Variants in ETNK1 observed in about 807,000 individuals in gnomAD.
The protein encoded by ETNK1 is ethanolamine kinase 1.
ETNK1 carries 8 observed loss-of-function variants against 45.1 expected under a neutral mutation model. That is an observed-to-expected ratio of 0.18 (90% confidence interval 0.10 to 0.32). ETNK1 has a LOEUF of 0.32. ETNK1 is among the 10% of genes least tolerant of loss of function. The probability of loss-of-function intolerance (pLI) is 1.00; values close to 1 mark genes in which losing one functional copy is unlikely to be tolerated. For missense variants in ETNK1, 302 were observed against 430.6 expected (o/e 0.70, Z 2.64); for synonymous variants, 152 against 151.9 (o/e 1.00, Z -0.01).
At chr12:22,627,360 C>T (rs368700234) in intron 1 of ETNK1, among the ~76,000 whole-genome samples, 7 of 151,992 alleles carry the variant, frequency 4.6e-5, no homozygotes, top group Non-Finnish European at 7.4e-5. Context: ...GTTTATAATC[C>T]GAATTTTTAA....
At chr12:22,667,510 C>G (rs943351512) in intron 4 of ETNK1, among the ~76,000 whole-genome samples, 1 of 152,094 alleles carries the variant, frequency 6.6e-6, no homozygotes, top group Non-Finnish European at 1.5e-5. Context: ...GATGAGTGCT[C>G]TGGTGAAGGG....
At chr12:22,667,464 G>A (rs138452509) in intron 4 of ETNK1, among the ~76,000 whole-genome samples, 6 of 152,268 alleles carry the variant, frequency 3.9e-5, no homozygotes, top group Non-Finnish European at 8.8e-5. Context: ...TGTAGTGGAG[G>A]AGTCCAATCA....
chr12:22,644,083 A>C, intron 2 of ETNK1, 61 bp downstream of exon 2: 1 of 1,507,136 alleles, frequency 6.6e-7, no homozygotes, highest in Non-Finnish European at 8.9e-7. Context: ...GCATTAAGGA[A>C]ATATTTTTTA....
intron 4 of ETNK1, among the ~76,000 whole-genome samples, chr12:22,668,074 G>A (rs1954071783): frequency 6.6e-6 from 1 of 152,144 alleles, no homozygotes; most frequent in African/African-American, 2.4e-5. Context: ...AACACACCTA[G>A]CCCTTAAAGT....
chr12:22,654,144 A>T (rs1324227590), intron 2 of ETNK1, among the ~76,000 whole-genome samples: 1 of 152,244 alleles, frequency 6.6e-6, no homozygotes, highest in Non-Finnish European at 1.5e-5. Flanking sequence ...TACCATGTGA[A>T]AATGCAGCAA....
intron 1 of ETNK1, chr12:22,626,283 C>G (rs1953495437): frequency 6.5e-6 from 1 of 154,290 alleles, no homozygotes; most frequent in African/African-American, 2.4e-5. Context: ...GGAAAAAAAT[C>G]CCTGAGACTC....
chr12:22,675,308 C>T (rs1354017960), intron 6 of ETNK1, among the ~76,000 whole-genome samples: 1 of 151,716 alleles, frequency 6.6e-6, no homozygotes, highest in Non-Finnish European at 1.5e-5. Flanking sequence ...TTCTTCCCGG[C>T]TCAGCCTCCC....
chr12:22,644,271 C>T (rs779613944), intron 2 of ETNK1: 2 of 1,608,480 alleles, frequency 1.2e-6, no homozygotes, highest in South Asian at 2.2e-5. Flanking sequence ...TAACCGGCTG[C>T]AGAGGGTCAA....
At chr12:22,672,182 C>G (rs985548919) in intron 5 of ETNK1, among the ~76,000 whole-genome samples, 6 of 151,728 alleles carry the variant, frequency 4.0e-5, no homozygotes, top group Non-Finnish European at 7.4e-5. Context: ...CATTTTTACC[C>G]CTATTAATTT....
In ETNK1 at chr12:22,682,377, A is replaced by C. The variant is rs558842319; in HGVS notation, c.946-2106A>C. ...TTTTATAGTTGAGAAAATGTCTGCCAAATACTCAAGTCTGATAACTCTAGT... is the reference window on the plus strand; with the variant it reads ...TTTTATAGTTGAGAAAATGTCTGCCCAATACTCAAGTCTGATAACTCTAGT... On this transcript the variant is annotated intron_variant, in intron 6 of 7. Transcript: ENST00000266517. 1.5e-4 allele frequency: 56 copies of C among 381,730 alleles called. 1 individual carries two copies. Among genetic ancestry groups the C allele is most frequent in the South Asian group, 1.0e-3 (53 of 51,180 alleles). The allele number at this position is 381,730 out of a possible 1,614,324, so 23.6% of individuals were successfully genotyped here.
chr12:22,671,971 G>A (rs1298260960), intron 5 of ETNK1, among the ~76,000 whole-genome samples: 1 of 151,568 alleles, frequency 6.6e-6, no homozygotes, highest in Non-Finnish European at 1.5e-5. Flanking sequence ...AGCCCTACAA[G>A]GTAATACTCG....
rs990841940 is a variant in ETNK1 at position 22,689,670 on chromosome 12, T to C, written c.*4716T>C. 6.6e-6 allele frequency: 1 copy of C among 152,064 alleles called. No homozygotes were observed. Among genetic ancestry groups the C allele is most frequent in the African/African-American group, 2.4e-5 (1 of 41,458 alleles). The allele number at this position is 152,064 out of a possible 1,614,324, so 9.4% of individuals were successfully genotyped here. A position where few individuals can be genotyped will look rare whatever the true frequency, so the allele number is the denominator to read the frequency against. On this transcript the variant is annotated 3_prime_UTR_variant, in exon 8 of 8. Transcript: ENST00000266517. Reference sequence around the variant, plus strand: ...CTCATAATAAAGGAACTTTCAGAGATTGGTTGAAACCCAGTGGTATCCCTG... The same window carrying C: ...CTCATAATAAAGGAACTTTCAGAGACTGGTTGAAACCCAGTGGTATCCCTG...
chr12:22,642,418 TGGAAG>T (rs1194350460), intron 1 of ETNK1, among the ~76,000 whole-genome samples: 1 of 151,992 alleles, frequency 6.6e-6, no homozygotes, highest in South Asian at 2.1e-4. Flanking sequence ...GAAATCTAGG[TGGAAG>T]GCAACACTAG....
chr12:22,632,920 TGTA>T (rs1233833153), intron 1 of ETNK1, among the ~76,000 whole-genome samples: 1 of 152,244 alleles, frequency 6.6e-6, no homozygotes, highest in African/African-American at 2.4e-5. Flanking sequence ...TGTATATAGT[TGTA>T]GTTCTTTTCC....
chr12:22,655,842 A>C lies in ETNK1; in HGVS notation c.417-3172A>C, dbSNP rs560741361. On this transcript the variant is annotated intron_variant, in intron 2 of 7. Coordinates refer to ENST00000266517, the MANE Select transcript of ETNK1 (RefSeq NM_018638.5). ...TTGTAAGGAACCCAAAAACCAGATG[A>C]ATTATTTGTTTAAGTTCATAATGCA... Among the ~76,000 whole-genome samples the C allele has an allele frequency of 7.8e-4, 119 of 152,342 alleles. No homozygotes were observed. The South Asian group carries it at 9.7e-3, about 12-fold the overall frequency.
Position 22,661,450 on chromosome 12 carries a change from T to G in ETNK1, c.700+245T>G, listed in dbSNP as rs559528638. Among the ~76,000 whole-genome samples, 118 of 152,324 alleles carry G rather than the reference T, an allele frequency of 7.7e-4. 1 individual carries two copies. Among genetic ancestry groups the G allele is most frequent in the African/African-American group, 2.7e-3 (114 of 41,576 alleles). On this transcript the variant is annotated intron_variant, in intron 4 of 7. Transcript: ENST00000266517. The stretch of plus-strand genomic sequence containing the variant: ...GAAACAGTTTGTGATTTCCATGGGA[T>G]TTTTAGGTATAAAATGATGAAATGA...
intron 1 of ETNK1, among the ~76,000 whole-genome samples, chr12:22,642,690 G>T (rs547040712): frequency 1.3e-5 from 2 of 151,888 alleles, no homozygotes; most frequent in South Asian, 2.1e-4. Flanking sequence ...TTAGTTAAAT[G>T]TATATACATA....
intron 2 of ETNK1, among the ~76,000 whole-genome samples, chr12:22,650,268 A>AT (rs1953858537): frequency 7.0e-6 from 1 of 142,404 alleles, no homozygotes; most frequent in African/African-American, 2.6e-5. Flanking sequence ...CTTACCTCTT[A>AT]TTTTTTTTCT....
intron 5 of ETNK1, 89 bp downstream of exon 5, chr12:22,671,444 G>A: frequency 1.1e-6 from 1 of 886,364 alleles, no homozygotes; most frequent in African/African-American, 1.7e-5. Context: ...CCGTGAGCAG[G>A]GGGAACATTT....
Sources: allele counts gnomAD v4.1 joint callset (sites outside exome capture counted in the v4.1 genomes callset), GRCh38; gene constraint gnomAD v4.1.1; transcripts MANE v1.5; gene names NCBI Gene and HGNC (gene_info 2026-07-23, HGNC 2026-07-21).